The following LIMCH1 variants were observed in gnomAD, a reference collection of about 807,000 sequenced individuals.
LIMCH1 encodes LIM and calponin homology domains-containing protein 1.
A neutral mutation model predicts 176.5 loss-of-function variants in LIMCH1; 113 were observed. That is an observed-to-expected ratio of 0.64 (90% CI 0.55 to 0.75). The LOEUF is 0.75. Among genes scored for constraint, LIMCH1 ranks in the 30% least tolerant of loss-of-function variants. The pLI is 0.00. For missense variants in LIMCH1, 1,674 were observed against 1,814.9 expected (o/e 0.92, Z 1.41); for synonymous variants, 619 against 645.9 (o/e 0.96, Z 0.63).
At chr4:41,547,885 A>G (rs944509522) in intron 1 of LIMCH1, among the ~76,000 whole-genome samples, 1 of 141,922 alleles carries the variant, frequency 7.0e-6, no homozygotes, top group Non-Finnish European at 1.5e-5. Flanking sequence ...ATATATATAT[A>G]TATATATATA....
At chr4:41,504,695 A>G (rs1156692626) in intron 2 of LIMCH1, among the ~76,000 whole-genome samples, 1 of 152,124 alleles carries the variant, frequency 6.6e-6, no homozygotes, top group African/African-American at 2.4e-5. Flanking sequence ...TCTTACTGAT[A>G]TGCTCTCCCT....
chr4:41,633,983 G>A (rs977208982), intron 13 of LIMCH1, among the ~76,000 whole-genome samples, 175 bp downstream of exon 13: 1 of 152,222 alleles, frequency 6.6e-6, no homozygotes, highest in Non-Finnish European at 1.5e-5. Flanking sequence ...ATGTAAGCAG[G>A]TGTGATTCAG....
intron 17 of LIMCH1, among the ~76,000 whole-genome samples, chr4:41,649,036 A>T (rs987292043): frequency 6.6e-6 from 1 of 152,174 alleles, no homozygotes; most frequent in Non-Finnish European, 1.5e-5. Flanking sequence ...GAGTAAAAAG[A>T]CCAGTGGCTT....
intron 7 of LIMCH1, among the ~76,000 whole-genome samples, chr4:41,624,639 G>C (rs1448203257): frequency 1.3e-5 from 2 of 151,908 alleles, no homozygotes; most frequent in African/African-American, 4.8e-5. Context: ...GTGTCACCCA[G>C]GACATTCCCA....
At chr4:41,661,386 A>T in intron 18 of LIMCH1, 34 bp from the exon 19 acceptor site, 1 of 1,441,684 alleles carries the variant, frequency 6.9e-7, no homozygotes, top group Middle Eastern at 1.8e-4. Flanking sequence ...TAAAGGAATC[A>T]TTTATTCAAG....
chr4:41,605,848 G>A lies in LIMCH1; in HGVS notation c.-102-46G>A, dbSNP rs200430514. The A allele has an allele frequency of 1.4e-4, 176 of 1,233,268 alleles. No homozygotes were observed. In the East Asian group the frequency reaches 3.0e-3, roughly 21 times the overall value. The allele number at this position is 1,233,268 out of a possible 1,614,324, so 76.4% of individuals were successfully genotyped here. A position where few individuals can be genotyped will look rare whatever the true frequency, so the allele number is the denominator to read the frequency against. On this transcript the variant is annotated intron_variant, in intron 3 of 31. Transcript: ENST00000503057. Reference sequence around the variant, plus strand: ...ACATTATTGACTCCTTAGTTTAAACGTCATTCTTGAGGGAAAAATCTGCTC... The same window carrying A: ...ACATTATTGACTCCTTAGTTTAAACATCATTCTTGAGGGAAAAATCTGCTC...
chr4:41,646,719 C>G lies in LIMCH1; in HGVS notation c.2646C>G (p.Pro882=). 1.2e-6 allele frequency: 2 copies of G among 1,614,202 alleles called. No homozygotes were observed. Among genetic ancestry groups the G allele is most frequent in the Non-Finnish European group, 1.7e-6 (2 of 1,180,040 alleles). The change falls in exon 17 of 32, where the codon CCC becomes CCG. Residue 882 remains proline (P), a synonymous_variant. Transcript: ENST00000503057. The part of the protein sequence containing the change: ...KYLRQQSLPP[P]KFTATVETTI... ...TGCGGCAACAGTCACTGCCTCCACC[C>G]AAATTCACTGCCACTGTTGAAACCA... is the stretch of plus-strand genomic sequence containing the variant.
At chr4:41,612,379 G>A (rs1271906747) in intron 4 of LIMCH1, 3 of 562,396 alleles carry the variant, frequency 5.3e-6, no homozygotes, top group Non-Finnish European at 9.4e-6. Context: ...GGGGACTTTC[G>A]CGAGCATCCC....
intron 1 of LIMCH1, among the ~76,000 whole-genome samples, chr4:41,394,141 T>C (rs1215017951): frequency 1.3e-5 from 2 of 152,214 alleles, no homozygotes; most frequent in African/African-American, 2.4e-5. Flanking sequence ...ATTTCCGTAG[T>C]GTGCTAGGCC....
intron 21 of LIMCH1, among the ~76,000 whole-genome samples, chr4:41,668,966 G>A (rs1371294): frequency 0.57 from 86,099 of 151,936 alleles, 25,536 homozygotes; most frequent in African/African-American, 0.71. Context: ...TCATGATTCA[G>A]TTACCTCCCA....
At chr4:41,472,562 G>A (rs2067133528) in intron 1 of LIMCH1, among the ~76,000 whole-genome samples, 2 of 152,142 alleles carry the variant, frequency 1.3e-5, no homozygotes, top group East Asian at 3.9e-4. Context: ...TGGGACTATA[G>A]GTGCATGCCA....
chr4:41,392,623 T>TA (rs2057362655), intron 1 of LIMCH1, among the ~76,000 whole-genome samples: 1 of 152,338 alleles, frequency 6.6e-6, no homozygotes, highest in South Asian at 2.1e-4. Flanking sequence ...GTGAGTTACT[T>TA]ACATTATGAG....
intron 1 of LIMCH1, among the ~76,000 whole-genome samples, chr4:41,477,126 C>A (rs2067864802): frequency 6.6e-6 from 1 of 152,100 alleles, no homozygotes; most frequent in African/African-American, 2.4e-5. Context: ...AGCTTAGAAT[C>A]CTGGGTCTGC....
At chr4:41,584,453 T>G (rs6844707) in intron 1 of LIMCH1, among the ~76,000 whole-genome samples, 52,786 of 152,098 alleles carry the variant, frequency 0.35, 14,626 homozygotes, top group African/African-American at 0.77. Context: ...TTATGAGCTG[T>G]GAAAAGGTGT....
At chr4:41,421,320 G>A (rs1202644311) in intron 1 of LIMCH1, among the ~76,000 whole-genome samples, 1 of 152,164 alleles carries the variant, frequency 6.6e-6, no homozygotes, top group African/African-American at 2.4e-5. Flanking sequence ...TAAATGGCGG[G>A]GAGAGAGAGA....
intron 14 of LIMCH1, among the ~76,000 whole-genome samples, chr4:41,644,258 CAT>C (rs2093955972): frequency 6.6e-6 from 1 of 152,172 alleles, no homozygotes; most frequent in African/African-American, 2.4e-5. Context: ...GATTCAGTGA[CAT>C]CACTGAAGAC....
intron 1 of LIMCH1, among the ~76,000 whole-genome samples, chr4:41,414,370 G>T (rs1053435436): frequency 2.6e-5 from 4 of 152,052 alleles, no homozygotes; most frequent in African/African-American, 9.7e-5. Context: ...CCGTTATCCC[G>T]ATCTACCCCC....
chr4:41,618,439 C>T (rs2152815932), intron 5 of LIMCH1, among the ~76,000 whole-genome samples: 1 of 152,268 alleles, frequency 6.6e-6, no homozygotes, highest in Non-Finnish European at 1.5e-5. Context: ...TCTAAGGATG[C>T]CCACTGTGTA....
chr4:41,628,729 TTTG>T (rs1250944935), intron 8 of LIMCH1, among the ~76,000 whole-genome samples: 1 of 152,190 alleles, frequency 6.6e-6, no homozygotes, highest in African/African-American at 2.4e-5. Flanking sequence ...AAATCGCAGT[TTTG>T]TCAACATTAG....
Sources: allele counts gnomAD v4.1 joint callset (sites outside exome capture counted in the v4.1 genomes callset), GRCh38; gene constraint gnomAD v4.1.1; transcripts MANE v1.5; gene names NCBI Gene and HGNC (gene_info 2026-07-23, HGNC 2026-07-21).